The following EDA variants were observed in gnomAD, a reference collection of about 807,000 sequenced individuals.
EDA encodes the protein ectodysplasin A, also known as ectodysplasin-A.
A neutral mutation model predicts 23.6 loss-of-function variants in EDA; 2 were observed. That is an observed-to-expected ratio of 0.08 (90% confidence interval 0.03 to 0.27). EDA has a LOEUF of 0.27. Ranked by LOEUF, EDA falls within the 10% of genes least tolerant of loss-of-function variation. The pLI is 1.00. For missense variants in EDA, 229 were observed against 324.2 expected, an observed-to-expected ratio of 0.71 and a Z score of 2.26; for synonymous variants, 131 against 132.0, an observed-to-expected ratio of 0.99 and a Z score of 0.05.
chrX:69,948,929 G>A (rs2018874366), intron 1 of EDA, among the ~76,000 whole-genome samples: 1 of 111,337 alleles, frequency 9.0e-6, no homozygotes, highest in Non-Finnish European at 1.9e-5. Flanking sequence ...ATCTATCATG[G>A]ATATGTACCA....
chrX:69,626,374 T>A (rs1181764632), intron 1 of EDA, among the ~76,000 whole-genome samples: 2 of 112,124 alleles, frequency 1.8e-5, no homozygotes, highest in African/African-American at 6.5e-5. Flanking sequence ...ATAGCAGCAT[T>A]ATTCATAATA....
chrX:69,724,047 T>C (rs1011508879), intron 1 of EDA, among the ~76,000 whole-genome samples: 2 of 112,081 alleles, frequency 1.8e-5, no homozygotes, highest in Non-Finnish European at 3.8e-5. Flanking sequence ...GAAATATAAT[T>C]GAAATGGCAC....
rs2014764131 is a variant in EDA at position 69,775,784 on chromosome X, C to T, written c.396+159080C>T. ...GATGATAGTTACAACCTATATCTGTCTCAACATCTATTATATTTCTGTATT... is the reference window on the plus strand; with the variant it reads ...GATGATAGTTACAACCTATATCTGTTTCAACATCTATTATATTTCTGTATT... On this transcript the variant is annotated intron_variant, in intron 1 of 7. Transcript: ENST00000374552. 2.7e-5 allele frequency among the ~76,000 whole-genome samples: 3 copies of T among 111,882 alleles called. No individual in the cohort carries two copies. The South Asian group carries it at 1.1e-3, about 42-fold the overall frequency.
At chrX:69,864,884 G>A (rs1394323826) in intron 1 of EDA, among the ~76,000 whole-genome samples, 1 of 110,941 alleles carries the variant, frequency 9.0e-6, no homozygotes, top group African/African-American at 3.3e-5. Context: ...CCAGCTACTC[G>A]GGAGGCTGAG....
intron 1 of EDA, among the ~76,000 whole-genome samples, chrX:69,710,111 AG>A (rs1395665602): frequency 9.0e-6 from 1 of 111,166 alleles, no homozygotes; most frequent in Non-Finnish European, 1.9e-5. Context: ...GTCTTCTTCT[AG>A]GGTTTTTATG....
At chrX:69,682,695 G>A (rs190841303) in intron 1 of EDA, among the ~76,000 whole-genome samples, 29 of 111,222 alleles carry the variant, frequency 2.6e-4, no homozygotes, top group Non-Finnish European at 4.2e-4. Flanking sequence ...CACGGTTCAC[G>A]CACCCACTGA....
chrX:69,792,273 T>A (rs1236730395), intron 1 of EDA, among the ~76,000 whole-genome samples: 1 of 112,089 alleles, frequency 8.9e-6, no homozygotes, highest in East Asian at 2.8e-4. Context: ...TCCAGCTCCA[T>A]CCAAGTTGCT....
chrX:69,791,680 C>T (rs2015408861), intron 1 of EDA, among the ~76,000 whole-genome samples: 1 of 110,961 alleles, frequency 9.0e-6, no homozygotes, highest in Non-Finnish European at 1.9e-5. Flanking sequence ...GTTTCACTCT[C>T]TCATCCAGGC....
At chrX:69,784,772 C>T (rs1411124611) in intron 1 of EDA, among the ~76,000 whole-genome samples, 7 of 104,899 alleles carry the variant, frequency 6.7e-5, no homozygotes, top group African/African-American at 2.1e-4. Flanking sequence ...CTTGGCAATG[C>T]GGGCTCTTTT....
At chrX:69,755,730 CA>C (rs920858078) in intron 1 of EDA, among the ~76,000 whole-genome samples, 3 of 112,646 alleles carry the variant, frequency 2.7e-5, no homozygotes, top group Non-Finnish European at 5.6e-5. Flanking sequence ...AGCTTCCCAG[CA>C]GCTTTGTTTA....
At chrX:69,916,754 G>A (rs1401051945) in intron 1 of EDA, among the ~76,000 whole-genome samples, 1 of 110,308 alleles carries the variant, frequency 9.1e-6, no homozygotes, top group Non-Finnish European at 1.9e-5. Flanking sequence ...GAAGCACTGT[G>A]TGAAAGTACC....
chrX:70,020,427 C>T lies in EDA; in HGVS notation c.503-2791C>T, dbSNP rs995601030. Among the ~76,000 whole-genome samples the T allele has an allele frequency of 5.4e-5, 6 of 110,405 alleles. No homozygotes were observed. The Middle Eastern group carries it at 0.014, about 264-fold the overall frequency. On this transcript the variant is annotated intron_variant, in intron 2 of 7. Transcript: ENST00000374552. ...ACAAAAAATTAGCCGGGCGTGGTGG[C>T]GGGTGCCTGTAGTCCCAGCTACTCG...
At chrX:69,980,444 C>G (rs1052352932) in intron 2 of EDA, among the ~76,000 whole-genome samples, 1 of 112,166 alleles carries the variant, frequency 8.9e-6, no homozygotes, top group Admixed American at 9.5e-5. Context: ...TGTGCTTTTT[C>G]TGAATAGCTT....
chrX:70,010,772 C>T (rs192924708), intron 2 of EDA, among the ~76,000 whole-genome samples: 1 of 111,489 alleles, frequency 9.0e-6, no homozygotes, highest in Non-Finnish European at 1.9e-5. Context: ...GGAAGGCAAA[C>T]GGCACGTGTT....
chrX:69,872,625 T>C (rs899017295), intron 1 of EDA, among the ~76,000 whole-genome samples: 10 of 111,536 alleles, frequency 9.0e-5, no homozygotes, highest in African/African-American at 3.3e-4. Context: ...AAACAAACTT[T>C]AGAGCAACAG....
intron 2 of EDA, among the ~76,000 whole-genome samples, chrX:69,987,282 A>T (rs1203387001): frequency 9.6e-6 from 1 of 104,190 alleles, no homozygotes; most frequent in Non-Finnish European, 1.9e-5. Context: ...AATAAAAAAA[A>T]AAAAATTAAA....
At chrX:69,992,683 A>G (rs1043731840) in intron 2 of EDA, among the ~76,000 whole-genome samples, 1 of 111,921 alleles carries the variant, frequency 8.9e-6, no homozygotes, top group Admixed American at 9.5e-5. Flanking sequence ...ACTAGGTCCC[A>G]GGATATATAC....
chrX:69,837,211 G>T (rs1224539050), intron 1 of EDA, among the ~76,000 whole-genome samples: 1 of 111,312 alleles, frequency 9.0e-6, no homozygotes, highest in East Asian at 2.8e-4. Flanking sequence ...ATAAAGTCTA[G>T]AAAAGTATAA....
At chrX:69,977,749 A>G (rs1488313888) in intron 2 of EDA, among the ~76,000 whole-genome samples, 2 of 111,804 alleles carry the variant, frequency 1.8e-5, no homozygotes, top group Non-Finnish European at 3.8e-5. Context: ...GTGTGATCTT[A>G]TTTATTAAAC....
Sources: allele counts gnomAD v4.1 joint callset (sites outside exome capture counted in the v4.1 genomes callset), GRCh38; gene constraint gnomAD v4.1.1; transcripts MANE v1.5; gene names NCBI Gene and HGNC (gene_info 2026-07-23, HGNC 2026-07-21).